PAPPA2: variants seen among roughly 807,000 people sequenced by gnomAD.
The protein encoded by PAPPA2 is pappalysin 2.
In PAPPA2, 86 loss-of-function variants were observed where a neutral mutation model predicts 176.4. The observed-to-expected ratio is 0.49, with a 90% CI of 0.41 to 0.58. The LOEUF is 0.58. Among genes scored for constraint, PAPPA2 ranks in the 20% least tolerant of loss-of-function variants. The pLI is 0.00. For synonymous variants in PAPPA2, 809 were observed against 852.2 expected (o/e 0.95, Z 0.88); for missense variants, 2,073 against 2,256.9 (o/e 0.92, Z 1.65).
chr1:176,693,733 G>T (rs960219702), intron 6 of PAPPA2, among the ~76,000 whole-genome samples: 1 of 152,108 alleles, frequency 6.6e-6, no homozygotes, highest in African/African-American at 2.4e-5. Flanking sequence ...GGTCATCAGC[G>T]CCCAAACCCT....
chr1:176,804,759 T>A (rs1338345943), intron 21 of PAPPA2, among the ~76,000 whole-genome samples: 2 of 152,214 alleles, frequency 1.3e-5, no homozygotes, highest in Non-Finnish European at 2.9e-5. Flanking sequence ...CTCAACACGA[T>A]GTTTGAATGT....
rs571459660 is a variant in PAPPA2, at chr1:176,844,098, C to A, written c.*1644C>A. ...TCTTGTAACGGTTTCTGGATTAGAC[C>A]CTAGGGAAAGTGAGTAAGGAGCCAG... On this transcript the variant is annotated 3_prime_UTR_variant, in exon 23 of 23. Coordinates refer to ENST00000367662, the MANE Select transcript of PAPPA2 (RefSeq NM_020318.3). 1.3e-5 allele frequency: 2 copies of A among 151,936 alleles called. No individual in the cohort carries two copies. The highest frequency in any genetic ancestry group is 4.8e-5 in the African/African-American group (2 of 41,370). 9.4% of individuals were successfully genotyped at this position (151,936 alleles called of 1,614,324 possible).
intron 3 of PAPPA2, among the ~76,000 whole-genome samples, chr1:176,604,992 T>G (rs1406499400): frequency 6.6e-6 from 1 of 152,146 alleles, no homozygotes; most frequent in East Asian, 1.9e-4. Flanking sequence ...TTAGATCTAG[T>G]AAGTAAAATA....
intron 21 of PAPPA2, among the ~76,000 whole-genome samples, chr1:176,803,349 TCGTG>T (rs1287710153): frequency 6.6e-6 from 1 of 152,202 alleles, no homozygotes; most frequent in Non-Finnish European, 1.5e-5. Context: ...ATTAGCCACT[TCGTG>T]AATGTTTACT....
intron 1 of PAPPA2, among the ~76,000 whole-genome samples, chr1:176,482,784 G>A (rs1046906804): frequency 6.6e-6 from 1 of 152,064 alleles, no homozygotes; most frequent in Non-Finnish European, 1.5e-5. Flanking sequence ...AAAAGTCTTT[G>A]GTTTGAATCT....
rs558280004 is a variant in PAPPA2 at position 176,756,714 on chromosome 1, T to A, written c.4152-8952T>A. Among the ~76,000 whole-genome samples, 7 of 151,928 alleles carry A rather than the reference T, an allele frequency of 4.6e-5. No individual in the cohort carries two copies. In the East Asian group the frequency reaches 9.6e-4, roughly 21 times the overall value. ...GCCCTGTAGATAAGACTCTTATTAT[T>A]ATTATTATTATCATACTTTAAGTTC... is the stretch of plus-strand genomic sequence containing the variant. On this transcript the variant is annotated intron_variant, in intron 14 of 22. Coordinates refer to ENST00000367662, the MANE Select transcript of PAPPA2 (RefSeq NM_020318.3).
At chr1:176,567,090 T>C (rs1652029619) in intron 2 of PAPPA2, among the ~76,000 whole-genome samples, 1 of 152,192 alleles carries the variant, frequency 6.6e-6, no homozygotes, top group African/African-American at 2.4e-5. Context: ...AAAGCATATT[T>C]CTATGCTAAG....
chr1:176,825,081 T>C (rs756850384), intron 21 of PAPPA2, among the ~76,000 whole-genome samples: 24 of 152,222 alleles, frequency 1.6e-4, no homozygotes, highest in Non-Finnish European at 3.2e-4. Flanking sequence ...ATCTGTTCAC[T>C]TCTTAGTGCT....
intron 2 of PAPPA2, among the ~76,000 whole-genome samples, chr1:176,589,603 A>G (rs1653531468): frequency 6.6e-6 from 1 of 152,190 alleles, no homozygotes; most frequent in Non-Finnish European, 1.5e-5. Flanking sequence ...ACAACATTTG[A>G]TCTGATTTTT....
chr1:176,839,150 C>A (rs543212290), intron 21 of PAPPA2, among the ~76,000 whole-genome samples: 30 of 152,274 alleles, frequency 2.0e-4, no homozygotes, highest in Non-Finnish European at 4.4e-4. Flanking sequence ...AATTTGACCA[C>A]AAGATGTTTC....
rs1415623233 is a variant in PAPPA2 at position 176,836,556 on chromosome 1, T to C, written c.5203-3617T>C. Reference sequence around the variant, plus strand: ...ATCTTATCAGCCAATCAGTCAATGTTTATGGAACTACTCCCGAGCCTGGGC... The same window carrying C: ...ATCTTATCAGCCAATCAGTCAATGTCTATGGAACTACTCCCGAGCCTGGGC... On this transcript the variant is annotated intron_variant, in intron 21 of 22. Transcript: ENST00000367662. 2.0e-5 allele frequency: 3 copies of C among 152,240 alleles called. No homozygotes were observed. In the East Asian group the frequency reaches 5.8e-4, roughly 29 times the overall value. 9.4% of individuals were successfully genotyped at this position (152,240 alleles called of 1,614,324 possible).
chr1:176,683,856 G>T (rs1007331748), intron 4 of PAPPA2, among the ~76,000 whole-genome samples: 1 of 151,958 alleles, frequency 6.6e-6, no homozygotes, highest in African/African-American at 2.4e-5. Context: ...ACCTATTTTG[G>T]GTTTTTATCC....
intron 1 of PAPPA2, among the ~76,000 whole-genome samples, chr1:176,467,805 A>G (rs1456114146): frequency 1.3e-5 from 2 of 152,218 alleles, no homozygotes; most frequent in Non-Finnish European, 2.9e-5. Flanking sequence ...TAGACACATA[A>G]TTGGTACTTC....
chr1:176,645,772 T>C (rs549799129), intron 3 of PAPPA2, among the ~76,000 whole-genome samples: 2 of 151,774 alleles, frequency 1.3e-5, no homozygotes, highest in African/African-American at 4.8e-5. Flanking sequence ...GTCTTTTTGA[T>C]AAAGCCGTTT....
At chr1:176,787,408 C>T (rs1410109353) in intron 17 of PAPPA2, among the ~76,000 whole-genome samples, 1 of 151,810 alleles carries the variant, frequency 6.6e-6, no homozygotes, top group Non-Finnish European at 1.5e-5. Context: ...CTAATTTTTG[C>T]ATTTTTTGTA....
At chr1:176,605,374 A>G (rs16850012) in intron 3 of PAPPA2, among the ~76,000 whole-genome samples, 3,561 of 152,296 alleles carry the variant, frequency 0.023, 97 homozygotes, top group African/African-American at 0.065. Context: ...GTAAAATTAC[A>G]TATGGGCTGA....
chr1:176,671,536 G>A lies in PAPPA2; in HGVS notation c.2137+421G>A, dbSNP rs374910707. Among the ~76,000 whole-genome samples, 18 of 152,204 alleles carry A rather than the reference G, an allele frequency of 1.2e-4. No homozygotes were observed. In the East Asian group the frequency reaches 2.3e-3, roughly 20 times the overall value. ...TGTGGACTCCTGAGAAAAATCCCAG[G>A]AAATTCAAAAGGTGGGGCTTGCCTG... On this transcript the variant is annotated intron_variant, in intron 4 of 22. Transcript: ENST00000367662.
intron 12 of PAPPA2, among the ~76,000 whole-genome samples, chr1:176,714,058 A>G (rs1053116989): frequency 2.6e-5 from 4 of 152,126 alleles, no homozygotes; most frequent in Non-Finnish European, 2.9e-5. Flanking sequence ...CGGGGCAGAT[A>G]GCACACCACC....
intron 1 of PAPPA2, among the ~76,000 whole-genome samples, chr1:176,498,496 T>C (rs966860150): frequency 2.0e-5 from 3 of 152,096 alleles, no homozygotes; most frequent in African/African-American, 7.2e-5. Flanking sequence ...ACATCTGTAA[T>C]CCCAGCGCTT....
Sources: allele counts gnomAD v4.1 joint callset (sites outside exome capture counted in the v4.1 genomes callset), GRCh38; gene constraint gnomAD v4.1.1; transcripts MANE v1.5; gene names NCBI Gene and HGNC (gene_info 2026-07-23, HGNC 2026-07-21).